The following NRCAM variants were observed in gnomAD, a reference collection of about 807,000 sequenced individuals.
The protein encoded by NRCAM is neuronal cell adhesion molecule.
Under a neutral mutation model 156.5 loss-of-function variants are expected in NRCAM, and 83 were observed. That is an observed-to-expected ratio of 0.53 (90% CI 0.44 to 0.64). The LOEUF (loss-of-function observed/expected upper bound fraction) is 0.64. NRCAM is among the 30% of genes least tolerant of loss of function. The pLI, the probability that NRCAM is intolerant of heterozygous loss-of-function variation, is 0.00. For missense variants in NRCAM, 1,417 were observed against 1,597.3 expected (o/e 0.89, Z 1.92); for synonymous variants, 538 against 563.9 (o/e 0.95, Z 0.65).
chr7:108,452,993 T>G (rs989338850), intron 1 of NRCAM, among the ~76,000 whole-genome samples: 5 of 151,856 alleles, frequency 3.3e-5, no homozygotes, highest in Admixed American at 1.3e-4. Context: ...GTTCAGTTTG[T>G]GCAAGTTCAT....
intron 28 of NRCAM, among the ~76,000 whole-genome samples, chr7:108,173,611 A>G (rs1023698410): frequency 1.3e-5 from 2 of 152,198 alleles, no homozygotes; most frequent in Non-Finnish European, 2.9e-5. Flanking sequence ...GCCATACTTA[A>G]CTACTGCTAT....
At chr7:108,278,657 C>A (rs2097740868) in intron 3 of NRCAM, among the ~76,000 whole-genome samples, 1 of 152,222 alleles carries the variant, frequency 6.6e-6, no homozygotes, top group African/African-American at 2.4e-5. Context: ...CAGATACAGT[C>A]ACTCACAGCT....
intron 2 of NRCAM, among the ~76,000 whole-genome samples, chr7:108,325,566 T>C (rs1259279439): frequency 6.6e-6 from 1 of 152,132 alleles, no homozygotes; most frequent in East Asian, 1.9e-4. Context: ...TTTGGCTGCC[T>C]TGTCCAAAAA....
intron 2 of NRCAM, among the ~76,000 whole-genome samples, chr7:108,398,314 C>T (rs1563626343): frequency 6.6e-6 from 1 of 152,218 alleles, no homozygotes; most frequent in African/African-American, 2.4e-5. Flanking sequence ...CAATCAACCA[C>T]CAAATCCAGC....
At chr7:108,400,731 C>A (rs1487776711) in intron 1 of NRCAM, among the ~76,000 whole-genome samples, 1 of 152,070 alleles carries the variant, frequency 6.6e-6, no homozygotes, top group Non-Finnish European at 1.5e-5. Context: ...GGCGGGAACT[C>A]AGAGTCAAGA....
intron 2 of NRCAM, among the ~76,000 whole-genome samples, chr7:108,367,421 CTGAT>C: frequency 6.6e-6 from 1 of 152,174 alleles, no homozygotes; most frequent in African/African-American, 2.4e-5. Context: ...GTTTTTAAGA[CTGAT>C]TAATTCTTAA....
chr7:108,160,830 C>T (rs113590979), intron 30 of NRCAM, among the ~76,000 whole-genome samples: 48 of 152,216 alleles, frequency 3.2e-4, no homozygotes, highest in African/African-American at 1.2e-3. Context: ...TAACAGGATA[C>T]ATTTTACATT....
intron 32 of NRCAM, chr7:108,156,184 C>T: frequency 2.4e-6 from 1 of 410,976 alleles, no homozygotes; most frequent in Non-Finnish European, 3.3e-6. Flanking sequence ...GAATGTGACA[C>T]ATCTTGGCAT....
chr7:108,373,332 G>T (rs950620941), intron 2 of NRCAM, among the ~76,000 whole-genome samples: 2 of 152,104 alleles, frequency 1.3e-5, no homozygotes, highest in Non-Finnish European at 2.9e-5. Flanking sequence ...TCTGTTAAGA[G>T]GGCAGATCTT....
chr7:108,300,920 G>C (rs1004142499), intron 3 of NRCAM, among the ~76,000 whole-genome samples: 1 of 151,192 alleles, frequency 6.6e-6, no homozygotes, highest in African/African-American at 2.4e-5. Flanking sequence ...TTTATTTTAC[G>C]TTTTATTCAG....
intron 1 of NRCAM, among the ~76,000 whole-genome samples, chr7:108,414,810 G>A (rs552315991): frequency 6.6e-6 from 1 of 152,234 alleles, no homozygotes; most frequent in African/African-American, 2.4e-5. Context: ...AGACTGCAGG[G>A]AGTGTGTTCC....
intron 3 of NRCAM, among the ~76,000 whole-genome samples, chr7:108,311,063 G>A (rs565327125): frequency 2.0e-4 from 31 of 152,260 alleles, no homozygotes; most frequent in African/African-American, 7.0e-4. Context: ...TGAGCCAAGC[G>A]TTTCCACCTT....
At chr7:108,231,581 A>T (rs934066693) in intron 7 of NRCAM, among the ~76,000 whole-genome samples, 2 of 152,200 alleles carry the variant, frequency 1.3e-5, no homozygotes, top group African/African-American at 4.8e-5. Context: ...AATATACACG[A>T]TATGTCAATA....
At chr7:108,324,054 C>G (rs1046880945) in intron 2 of NRCAM, among the ~76,000 whole-genome samples, 2 of 151,924 alleles carry the variant, frequency 1.3e-5, no homozygotes, top group African/African-American at 4.8e-5. Context: ...TGGAAAGGGG[C>G]ACCACATGAT....
intron 1 of NRCAM, among the ~76,000 whole-genome samples, chr7:108,449,090 A>G (rs938503977): frequency 1.1e-4 from 17 of 152,364 alleles, no homozygotes; most frequent in African/African-American, 4.1e-4. Flanking sequence ...CAATGTTTTA[A>G]TGCAGCGTAC....
At chr7:108,315,508 A>G (rs1219901095) in intron 2 of NRCAM, among the ~76,000 whole-genome samples, 1 of 152,178 alleles carries the variant, frequency 6.6e-6, no homozygotes, top group Non-Finnish European at 1.5e-5. Context: ...ATTCCAAAAA[A>G]CAGACAGTAT....
intron 2 of NRCAM, among the ~76,000 whole-genome samples, chr7:108,339,729 T>C (rs1331293660): frequency 2.0e-5 from 3 of 152,138 alleles, no homozygotes; most frequent in Non-Finnish European, 2.9e-5. Flanking sequence ...ATTAGGACCA[T>C]AGAGGACGCT....
At chr7:108,253,953 A>C (rs1247115655) in intron 3 of NRCAM, among the ~76,000 whole-genome samples, 1 of 152,226 alleles carries the variant, frequency 6.6e-6, no homozygotes, top group Non-Finnish European at 1.5e-5. Context: ...CCACGAAACC[A>C]CAAAGCTACC....
At chr7:108,247,440 T>C (rs964651157) in intron 3 of NRCAM, among the ~76,000 whole-genome samples, 7 of 152,192 alleles carry the variant, frequency 4.6e-5, no homozygotes, top group Admixed American at 3.9e-4. Context: ...TTTTGGTTTT[T>C]CTAGATACTT....
Sources: gnomAD v4.1 joint callset for allele counts (sites outside exome capture counted in the v4.1 genomes callset) on GRCh38, gnomAD v4.1.1 for gene constraint, MANE v1.5 for transcripts, NCBI Gene and HGNC (gene_info 2026-07-23, HGNC 2026-07-21) for gene names.